KCNG3: variants seen among roughly 807,000 people sequenced by gnomAD.
KCNG3 encodes voltage-gated potassium channel regulatory subunit KCNG3.
In KCNG3, 15 loss-of-function variants were observed where a neutral mutation model predicts 29.0. The ratio of observed to expected loss-of-function variants is 0.52; its 90% CI spans 0.35 to 0.80. KCNG3 has a LOEUF of 0.80. KCNG3 is among the 30% of genes least tolerant of loss of function. KCNG3 has a pLI of 0.01. For missense variants in KCNG3, 512 were observed against 605.7 expected (o/e 0.85, Z 1.62); for synonymous variants, 322 against 248.9 (o/e 1.29, Z -2.76).
At chr2:42,453,010 G>A (rs933337098) in intron 1 of KCNG3, among the ~76,000 whole-genome samples, 2 of 152,320 alleles carry the variant, frequency 1.3e-5, no homozygotes, top group South Asian at 4.1e-4. Flanking sequence ...TCGAACTCCT[G>A]ACCTCAGGCA....
the KCNG3 span, among the ~76,000 whole-genome samples, chr2:42,434,237 A>C: frequency 1.3e-5 from 2 of 152,092 alleles, no homozygotes; most frequent in Non-Finnish European, 2.9e-5. Context: ...GGATTGCTTG[A>C]GCCCAGGAGT....
chr2:42,490,859 T>TAC (rs1301567959), intron 1 of KCNG3, among the ~76,000 whole-genome samples: 1 of 152,178 alleles, frequency 6.6e-6, no homozygotes, highest in Non-Finnish European at 1.5e-5. Flanking sequence ...TTAACGACTA[T>TAC]ACTTAAAGTG....
chr2:42,407,909 T>C, the KCNG3 span, among the ~76,000 whole-genome samples: 2,975 of 152,324 alleles, frequency 0.02, 108 homozygotes, highest in African/African-American at 0.067. Context: ...AAGGCATCCC[T>C]ACACTCTTGG....
chr2:42,452,690 T>C (rs184796014), intron 1 of KCNG3, among the ~76,000 whole-genome samples: 9 of 152,278 alleles, frequency 5.9e-5, no homozygotes, highest in Non-Finnish European at 1.2e-4. Context: ...TTGTTGCAAA[T>C]GGCAGGACCT....
chr2:42,464,468 T>C (rs555174711), intron 1 of KCNG3, among the ~76,000 whole-genome samples: 1 of 152,312 alleles, frequency 6.6e-6, no homozygotes, highest in African/African-American at 2.4e-5. Context: ...TAGTCATGAA[T>C]ACAAAAACAT....
Position 42,493,515 on chromosome 2 carries a change from G to A in KCNG3, c.-14C>T. ...CCCGAAGGTCATGGCTGGCCGCCCG[G>A]GGGACTTTCGGCCCGAGGGCCCCGC... On this transcript the variant is annotated 5_prime_UTR_variant, in exon 1 of 2. Coordinates refer to ENST00000306078, the MANE Select transcript of KCNG3 (RefSeq NM_133329.6). The A allele has an allele frequency of 1.5e-6, 2 of 1,353,490 alleles. No individual in the cohort carries two copies. The highest frequency in any genetic ancestry group is 1.9e-6 in the Non-Finnish European group (2 of 1,060,542). The allele number at this position is 1,353,490 out of a possible 1,614,324, so 83.8% of individuals were successfully genotyped here.
the KCNG3 span, among the ~76,000 whole-genome samples, chr2:42,423,342 C>T: frequency 6.6e-6 from 1 of 152,230 alleles, no homozygotes; most frequent in African/African-American, 2.4e-5. Flanking sequence ...TCCTTAAGCA[C>T]AAACCCTGTT....
the KCNG3 span, among the ~76,000 whole-genome samples, chr2:42,400,604 G>A: frequency 6.6e-6 from 1 of 152,156 alleles, no homozygotes; most frequent in Non-Finnish European, 1.5e-5. Flanking sequence ...GACAGTAAAT[G>A]AAGTTCATAG....
chr2:42,484,149 A>G (rs1673659668), intron 1 of KCNG3, among the ~76,000 whole-genome samples: 1 of 152,152 alleles, frequency 6.6e-6, no homozygotes, highest in Admixed American at 6.6e-5. Context: ...TCATAGAACA[A>G]TCCCAATTAT....
At chr2:42,409,124 G>C in the KCNG3 span, among the ~76,000 whole-genome samples, 1 of 152,124 alleles carries the variant, frequency 6.6e-6, no homozygotes, top group South Asian at 2.1e-4. Flanking sequence ...TTCCATGTCT[G>C]ACTTGCCCTT....
chr2:42,490,951 G>GTT (rs1449648113), intron 1 of KCNG3, among the ~76,000 whole-genome samples: 1 of 152,158 alleles, frequency 6.6e-6, no homozygotes, highest in Non-Finnish European at 1.5e-5. Flanking sequence ...CCATCCTGCA[G>GTT]TTTATCTGTT....
At chr2:42,396,231 G>C in the KCNG3 span, among the ~76,000 whole-genome samples, 11 of 152,256 alleles carry the variant, frequency 7.2e-5, no homozygotes, top group African/African-American at 2.6e-4. Flanking sequence ...AAATCATTAA[G>C]TTGAACCATA....
At chr2:42,492,780 C>A (rs1017877140) in intron 1 of KCNG3, 57 bp downstream of exon 1, 9 of 1,371,570 alleles carry the variant, frequency 6.6e-6, no homozygotes, top group Admixed American at 3.4e-5. Flanking sequence ...GACGTATGGA[C>A]GGGACGGACA....
At chr2:42,471,530 C>T (rs907157652) in intron 1 of KCNG3, among the ~76,000 whole-genome samples, 1 of 151,914 alleles carries the variant, frequency 6.6e-6, no homozygotes, top group Admixed American at 6.6e-5. Flanking sequence ...AAGTAGGTTT[C>T]TTTTTGGGGT....
chr2:42,490,951 G>GT (rs1449648113), intron 1 of KCNG3, among the ~76,000 whole-genome samples: 2 of 152,158 alleles, frequency 1.3e-5, no homozygotes, highest in Non-Finnish European at 2.9e-5. Flanking sequence ...CCATCCTGCA[G>GT]TTTATCTGTT....
the KCNG3 span, among the ~76,000 whole-genome samples, chr2:42,392,450 C>T: frequency 6.6e-6 from 1 of 152,136 alleles, no homozygotes; most frequent in African/African-American, 2.4e-5. Flanking sequence ...TTCTCTAATA[C>T]AACACTGTGG....
chr2:42,464,044 T>C, intron 1 of KCNG3: 1 of 210,904 alleles, frequency 4.7e-6, no homozygotes, highest in South Asian at 5.9e-5. Context: ...GGTGGCAGGC[T>C]CGGTGGTGGC....
At chr2:42,467,998 G>A (rs1481200143) in intron 1 of KCNG3, among the ~76,000 whole-genome samples, 1 of 151,134 alleles carries the variant, frequency 6.6e-6, no homozygotes, top group African/African-American at 2.4e-5. Context: ...TTACTGAAAT[G>A]TTGATACCAA....
the KCNG3 span, among the ~76,000 whole-genome samples, chr2:42,396,855 T>C: frequency 6.6e-6 from 1 of 152,154 alleles, no homozygotes; most frequent in African/African-American, 2.4e-5. Flanking sequence ...AAGTCACTCG[T>C]TGGGGCATGA....
Sources: allele counts gnomAD v4.1 joint callset (sites outside exome capture counted in the v4.1 genomes callset), GRCh38; gene constraint gnomAD v4.1.1; transcripts MANE v1.5; gene names NCBI Gene and HGNC (gene_info 2026-07-23, HGNC 2026-07-21).